The following DHX9 variants were observed in gnomAD, a reference collection of about 807,000 sequenced individuals.
DHX9 encodes the protein DExH-box helicase 9.
In DHX9, 27 loss-of-function variants were observed where a neutral mutation model predicts 148.7. That is an observed-to-expected ratio of 0.18 (90% CI 0.13 to 0.25). The LOEUF (loss-of-function observed/expected upper bound fraction) is 0.25. DHX9 is among the 10% of genes least tolerant of loss of function. DHX9 has a pLI of 1.00. For missense variants in DHX9, 796 were observed against 1,559.6 expected (o/e 0.51, Z 8.25); for synonymous variants, 529 against 516.6 (o/e 1.02, Z -0.33).
chr1:182,876,700 A>C, intron 18 of DHX9, 130 bp from the exon 19 acceptor site: 3 of 908,276 alleles, frequency 3.3e-6, no homozygotes, highest in Non-Finnish European at 5.1e-6. Context: ...GTTGTTCATT[A>C]ATCAGTTATT....
rs141702535 is a variant in DHX9 at position 182,883,484 on chromosome 1, T to C, written c.3145-36T>C. The C allele has an allele frequency of 2.5e-6, 4 of 1,596,334 alleles. No homozygotes were observed. In the African/African-American group the frequency reaches 5.4e-5, roughly 21 times the overall value. On this transcript the variant is annotated intron_variant, in intron 25 of 27. Coordinates refer to ENST00000367549, the MANE Select transcript of DHX9 (RefSeq NM_001357.5). ...ATAGCGGTATTTGGAAGTTGGAATG[T>C]CAACCATTTTGTATTGTCTCTTTCT...
intron 1 of DHX9, 88 bp downstream of exon 1, chr1:182,839,544 C>G (rs1225016318): frequency 2.0e-5 from 3 of 152,826 alleles, no homozygotes; most frequent in Non-Finnish European, 4.4e-5. Flanking sequence ...GGCTTTGTTG[C>G]GAAGCGCGGG....
intron 8 of DHX9, 66 bp from the exon 9 acceptor site, chr1:182,858,485 G>T (rs997066826): frequency 7.3e-7 from 1 of 1,364,436 alleles, no homozygotes; most frequent in South Asian, 1.3e-5. Flanking sequence ...AGTGTTGACT[G>T]TATAGTCTTA....
chr1:182,885,983 G>GAA (rs2102624067), intron 27 of DHX9, among the ~76,000 whole-genome samples: 1 of 152,248 alleles, frequency 6.6e-6, no homozygotes, highest in African/African-American at 2.4e-5. Context: ...TAGAAAGAAA[G>GAA]GGATATATGC....
intron 12 of DHX9, among the ~76,000 whole-genome samples, chr1:182,862,847 T>C (rs1272932564): frequency 6.6e-6 from 1 of 152,174 alleles, no homozygotes; most frequent in Non-Finnish European, 1.5e-5. Context: ...TCTTATGGTA[T>C]AGAAAGTGTT....
At chr1:182,852,194 C>T in intron 3 of DHX9, 39 bp from the exon 4 acceptor site, 1 of 1,439,410 alleles carries the variant, frequency 6.9e-7, no homozygotes, top group Non-Finnish European at 9.6e-7. Context: ...CCCGTGAAGG[C>T]AAAAGCACTG....
chr1:182,881,332 A>T lies in DHX9; in HGVS notation c.2693A>T (p.Lys898Met), dbSNP rs1031349520. 1.2e-6 allele frequency: 2 copies of T among 1,614,092 alleles called. No individual in the cohort carries two copies. The highest frequency in any genetic ancestry group is 1.7e-6 in the Non-Finnish European group (2 of 1,180,040). The change falls in exon 23 of 28, where the codon AAG becomes ATG. Residue 898 changes from lysine (K) to methionine (M), a missense_variant. Around this residue, in one of 14 missense-constraint regions of DHX9, gnomAD observed 122 missense variants for 289.3 expected, o/e 0.42. Transcript: ENST00000367549. ...CCAGAGCCTTTCATCAATGAAGGAAAGCGGCTGGGCTATATCCATCGAAAT... is the reference window on the plus strand; with the variant it reads ...CCAGAGCCTTTCATCAATGAAGGAATGCGGCTGGGCTATATCCATCGAAAT... ...CFPEPFINEGKRLGYIHRNFA... is the reference protein window; with the variant it reads ...CFPEPFINEGMRLGYIHRNFA...
At chr1:182,876,806 A>T (rs1276103183) in intron 18 of DHX9, 24 bp from the exon 19 acceptor site, 2 of 1,548,166 alleles carry the variant, frequency 1.3e-6, no homozygotes, top group Non-Finnish European at 1.8e-6. Flanking sequence ...TATTTTCTGG[A>T]GTGTAATTTT....
At chr1:182,870,905 T>C (rs1026024671) in intron 14 of DHX9, among the ~76,000 whole-genome samples, 17 of 152,330 alleles carry the variant, frequency 1.1e-4, no homozygotes, top group Admixed American at 9.8e-4. Context: ...TATTTTGCAT[T>C]ATTTTTCTTA....
In DHX9 at chr1:182,881,363, T is replaced by G; in HGVS notation, c.2724T>G (p.Ala908=). 6.2e-7 allele frequency: 1 copy of G among 1,614,252 alleles called. No individual in the cohort carries two copies. The highest frequency in any genetic ancestry group is 8.5e-7 in the Non-Finnish European group (1 of 1,180,042). Residue 908 remains alanine (A), a synonymous_variant, in exon 23 of 28, where the codon GCT becomes GCG. Coordinates refer to ENST00000367549, the MANE Select transcript of DHX9 (RefSeq NM_001357.5). Reference sequence around the variant, plus strand: ...TGGGCTATATCCATCGAAATTTTGCTGGAAACAGATTTTCTGATCACGTAG... The same window carrying G: ...TGGGCTATATCCATCGAAATTTTGCGGGAAACAGATTTTCTGATCACGTAG... ...KRLGYIHRNF[A]GNRFSDHVAL...
intron 7 of DHX9, among the ~76,000 whole-genome samples, chr1:182,857,093 T>G (rs1668265211): frequency 6.6e-6 from 1 of 152,174 alleles, no homozygotes; most frequent in Non-Finnish European, 1.5e-5. Flanking sequence ...GTGATCTGCC[T>G]GGCTCAGCCT....
intron 20 of DHX9, 91 bp from the exon 21 acceptor site, chr1:182,879,159 C>T: frequency 9.5e-7 from 1 of 1,051,640 alleles, no homozygotes; most frequent in Non-Finnish European, 1.3e-6. Flanking sequence ...GAAAAGGCAG[C>T]TCTGTATCCC....
chr1:182,844,775 C>G (rs1667997909), intron 3 of DHX9, among the ~76,000 whole-genome samples: 1 of 152,160 alleles, frequency 6.6e-6, no homozygotes. Context: ...CCTCGGCCTC[C>G]CAAAGTGCTG....
At chr1:182,880,074 A>G (rs942873518) in intron 21 of DHX9, among the ~76,000 whole-genome samples, 8 of 152,168 alleles carry the variant, frequency 5.3e-5, no homozygotes, top group African/African-American at 1.9e-4. Flanking sequence ...AGTGAAAATT[A>G]AGGGCATTGG....
chr1:182,868,313 C>T (rs1478330245), intron 14 of DHX9, among the ~76,000 whole-genome samples: 5 of 151,906 alleles, frequency 3.3e-5, no homozygotes, highest in Admixed American at 6.6e-5. Flanking sequence ...TAGAAAAAAG[C>T]AAATCTGATC....
intron 1 of DHX9, 190 bp downstream of exon 1, chr1:182,839,646 C>G (rs1667877432): frequency 6.6e-6 from 1 of 152,250 alleles, no homozygotes; most frequent in South Asian, 2.1e-4. Context: ...GATGCGCTTG[C>G]GCCGTCCGGG....
At chr1:182,844,861 C>T (rs1019481217) in intron 3 of DHX9, among the ~76,000 whole-genome samples, 1 of 151,936 alleles carries the variant, frequency 6.6e-6, no homozygotes. Flanking sequence ...CAGATTTTCA[C>T]CATGTTGGCC....
intron 26 of DHX9, among the ~76,000 whole-genome samples, 162 bp from the exon 27 acceptor site, chr1:182,884,451 T>G (rs1476633749): frequency 6.6e-6 from 1 of 152,172 alleles, no homozygotes; most frequent in Non-Finnish European, 1.5e-5. Context: ...TTCATATCTG[T>G]GTTTGCCTAA....
intron 16 of DHX9, 51 bp from the exon 17 acceptor site, chr1:182,875,999 C>T (rs754246699): frequency 4.2e-6 from 6 of 1,438,898 alleles, no homozygotes; most frequent in Non-Finnish European, 5.8e-6. Context: ...AGAAGACTTA[C>T]CTCATGAGTA....
Sources: allele counts gnomAD v4.1 joint callset (sites outside exome capture counted in the v4.1 genomes callset), GRCh38; gene constraint gnomAD v4.1.1; regional missense constraint gnomAD v4.1.1; transcripts MANE v1.5; gene names NCBI Gene and HGNC (gene_info 2026-07-23, HGNC 2026-07-21).